Variants in KMT2C observed in about 807,000 individuals in gnomAD.
KMT2C encodes histone-lysine N-methyltransferase 2C.
In KMT2C, 88 loss-of-function variants were observed where a neutral mutation model predicts 507.9. The observed-to-expected ratio is 0.17, with a 90% CI of 0.15 to 0.21. The LOEUF (loss-of-function observed/expected upper bound fraction) is 0.21, where lower values mean the gene tolerates loss of function less well. KMT2C is among the 10% of genes least tolerant of loss of function. The pLI is 1.00. For synonymous variants in KMT2C, 2,049 were observed against 2,080.8 expected (o/e 0.98, Z 0.42); for missense variants, 4,954 against 5,957.8 (o/e 0.83, Z 5.55).
chr7:152,247,702 G>C (rs545058874), intron 14 of KMT2C, among the ~76,000 whole-genome samples, 200 bp downstream of exon 14: 281 of 152,364 alleles, frequency 1.8e-3, no homozygotes, highest in Middle Eastern at 3.4e-3. Context: ...TTCCAAATAA[G>C]ATCACTTCAA....
At chr7:152,305,593 G>T (rs972731348) in intron 6 of KMT2C, among the ~76,000 whole-genome samples, 1 of 151,706 alleles carries the variant, frequency 6.6e-6, no homozygotes, top group East Asian at 1.9e-4. Context: ...GGAAGTCACT[G>T]AAGAGTGTTA....
At chr7:152,160,461 GC>G (rs1587798314) in intron 43 of KMT2C, among the ~76,000 whole-genome samples, 1 of 152,086 alleles carries the variant, frequency 6.6e-6, no homozygotes, top group East Asian at 1.9e-4. Context: ...CCCTTCAGAT[GC>G]TCAGGAATCA....
chr7:152,252,533 A>T lies in KMT2C; in HGVS notation c.1469+13T>A. 1 of 1,602,890 alleles carries T rather than the reference A, an allele frequency of 6.2e-7. No homozygotes were observed. Among genetic ancestry groups the T allele is most frequent in the Non-Finnish European group, 8.5e-7 (1 of 1,171,184 alleles). On this transcript the variant is annotated intron_variant, in intron 10 of 58. Coordinates refer to ENST00000262189, the MANE Select transcript of KMT2C (RefSeq NM_170606.3). ...ATCGACAAAACAACTGAATAGAATA[A>T]CTATCTTCTTACCTTTTGCACATAT...
At position 152,177,019 on chromosome 7, in the gene KMT2C, G is replaced by A. The variant is rs2129114064; in HGVS notation, c.8434C>T (p.Pro2812Ser). 1 of 1,613,794 alleles carries A rather than the reference G, an allele frequency of 6.2e-7. No individual in the cohort carries two copies. Among genetic ancestry groups the A allele is most frequent in the Non-Finnish European group, 8.5e-7 (1 of 1,179,930 alleles). The stretch of plus-strand genomic sequence containing the variant: ...TTGGTAACAGTGGATTTTTTCTGTG[G>A]TGAATGTTTATCAGAGAGAACCAGA... ...KTLVLSDKHS[P>S]QKKSTVTNEV... is the part of the protein sequence containing the mutation. The change falls in exon 38 of 59, where the codon CCA becomes TCA. Residue 2812 changes from proline (P) to serine (S), a missense_variant. Pro to Ser is a moderately conservative substitution (Grantham distance 74). Around this residue, in one of 29 missense-constraint regions of KMT2C, gnomAD observed 1,689 missense variants for 1,654.3 expected, o/e 1.02. Coordinates refer to ENST00000262189, the MANE Select transcript of KMT2C (RefSeq NM_170606.3).
At chr7:152,340,609 AAT>A (rs2096982436) in intron 2 of KMT2C, among the ~76,000 whole-genome samples, 1 of 152,218 alleles carries the variant, frequency 6.6e-6, no homozygotes, top group Non-Finnish European at 1.5e-5. Context: ...ACTGATTAAT[AAT>A]ATGAATATAG....
chr7:152,234,822 T>C (rs2095230719), intron 16 of KMT2C, among the ~76,000 whole-genome samples: 1 of 151,840 alleles, frequency 6.6e-6, no homozygotes, highest in Non-Finnish European at 1.5e-5. Context: ...AGGTCGAAGC[T>C]AGAGTTAGCT....
intron 1 of KMT2C, among the ~76,000 whole-genome samples, chr7:152,377,477 G>A (rs937429308): frequency 6.6e-6 from 1 of 152,220 alleles, no homozygotes; most frequent in Non-Finnish European, 1.5e-5. Context: ...GCTCATGCCT[G>A]TAATCCCAGC....
rs2302478 is a variant in KMT2C at position 152,220,563 on chromosome 7, T to C, written c.3672A>G (p.Gln1224=). ...VAVLQTPPDI[Q]SEHSRDGEMD... Reference sequence around the variant, plus strand: ...TTTCACCATCCCTTGAATGCTCTGATTGGATGTCTGGAGGGGTCTGAAGGA... The same window carrying C: ...TTTCACCATCCCTTGAATGCTCTGACTGGATGTCTGGAGGGGTCTGAAGGA... Residue 1224 remains glutamine (Q), a synonymous_variant, in exon 23 of 59, where the codon CAA becomes CAG. Coordinates refer to ENST00000262189, the MANE Select transcript of KMT2C (RefSeq NM_170606.3). 2.2e-4 allele frequency: 362 copies of C among 1,611,772 alleles called. 2 individuals carry two copies. In the East Asian group the frequency reaches 7.4e-3, roughly 33 times the overall value.
At chr7:152,184,364 A>G (rs1411773878) in intron 34 of KMT2C, among the ~76,000 whole-genome samples, 1 of 152,178 alleles carries the variant, frequency 6.6e-6, no homozygotes, top group Non-Finnish European at 1.5e-5. Context: ...TCCAACAATA[A>G]TACAGATTTA....
intron 4 of KMT2C, among the ~76,000 whole-genome samples, chr7:152,313,631 TTAAC>T (rs1228157798): frequency 2.6e-5 from 4 of 152,182 alleles, no homozygotes; most frequent in African/African-American, 9.6e-5. Flanking sequence ...GTTTTTTAAA[TTAAC>T]TAGCTATTTA....
chr7:152,353,258 A>G (rs934252885), intron 2 of KMT2C, among the ~76,000 whole-genome samples: 2 of 152,064 alleles, frequency 1.3e-5, no homozygotes, highest in Non-Finnish European at 2.9e-5. Context: ...CCCAGTCTGC[A>G]CTAAAAATAC....
intron 2 of KMT2C, among the ~76,000 whole-genome samples, chr7:152,350,250 C>CA (rs1331515163): frequency 5.9e-5 from 9 of 151,304 alleles, no homozygotes; most frequent in Admixed American, 1.3e-4. Context: ...AACTCTGTCT[C>CA]AAAAAAAATA....
chr7:152,315,106 C>T (rs1563831273), intron 4 of KMT2C, 32 bp downstream of exon 4: 1 of 1,534,962 alleles, frequency 6.5e-7, no homozygotes, highest in Non-Finnish European at 9.0e-7. Context: ...CAGTCTTAAT[C>T]TATTCCAACA....
intron 3 of KMT2C, among the ~76,000 whole-genome samples, chr7:152,327,679 C>T (rs1279741127): frequency 1.3e-5 from 2 of 152,044 alleles, no homozygotes; most frequent in Admixed American, 6.5e-5. Flanking sequence ...ATATATTGGG[C>T]CGGGCGCGGT....
At chr7:152,369,997 T>C (rs2097281200) in intron 1 of KMT2C, among the ~76,000 whole-genome samples, 2 of 151,992 alleles carry the variant, frequency 1.3e-5, no homozygotes, top group Admixed American at 6.5e-5. Context: ...ATCGAGACCA[T>C]CCTGGCTAAC....
chr7:152,142,894 C>T (rs1225088524), intron 55 of KMT2C, among the ~76,000 whole-genome samples: 3 of 152,042 alleles, frequency 2.0e-5, no homozygotes, highest in Non-Finnish European at 4.4e-5. Context: ...GATATTAGCA[C>T]AGAAAAACAG....
chr7:152,281,464 G>T (rs1213960384), intron 6 of KMT2C, among the ~76,000 whole-genome samples: 6 of 152,158 alleles, frequency 3.9e-5, no homozygotes, highest in Non-Finnish European at 5.9e-5. Flanking sequence ...AGGCACAGTG[G>T]CTCACGCATG....
At position 152,375,828 on chromosome 7, in the gene KMT2C, T is replaced by TA. The variant is rs2097325140; in HGVS notation, c.162-17154dup. The stretch of plus-strand genomic sequence containing the variant: ...TGATCTACGATCAGTGATATATATA[T>TA]ATTTTTTCCTTTGGTTGAGAAAGGG... On this transcript the variant is annotated intron_variant, in intron 1 of 58. Transcript: ENST00000262189. Among the ~76,000 whole-genome samples, 3 of 152,180 alleles carry TA rather than the reference T, an allele frequency of 2.0e-5. No individual in the cohort carries two copies. The South Asian group carries it at 6.2e-4, about 32-fold the overall frequency.
chr7:152,192,191 A>G (rs1166176562), intron 31 of KMT2C, among the ~76,000 whole-genome samples: 1 of 152,222 alleles, frequency 6.6e-6, no homozygotes, highest in African/African-American at 2.4e-5. Context: ...GAAAACATAA[A>G]GACAGGTCAT....
Sources: gnomAD v4.1 joint callset for allele counts (sites outside exome capture counted in the v4.1 genomes callset) on GRCh38, gnomAD v4.1.1 for gene constraint, gnomAD v4.1.1 regional missense constraint, MANE v1.5 for transcripts, NCBI Gene and HGNC (gene_info 2026-07-23, HGNC 2026-07-21) for gene names.